The following PKIA variants were observed in gnomAD, a reference collection of about 807,000 sequenced individuals.
PKIA encodes cAMP-dependent protein kinase inhibitor alpha, also known as PKI-alpha.
A neutral mutation model predicts 7.6 loss-of-function variants in PKIA; 4 were observed. That is an observed-to-expected ratio of 0.52 (90% CI 0.26 to 1.20). The LOEUF (loss-of-function observed/expected upper bound fraction) is 1.20, where lower values mean the gene tolerates loss of function less well. PKIA is among the 50% of genes most tolerant of loss of function. The pLI is 0.13. For missense variants in PKIA, 73 were observed against 86.2 expected (o/e 0.85, Z 0.61); for synonymous variants, 21 against 30.7 (o/e 0.68, Z 1.04).
intron 2 of PKIA, among the ~76,000 whole-genome samples, chr8:78,584,938 T>C (rs1807913020): frequency 1.3e-5 from 2 of 152,016 alleles, no homozygotes; most frequent in South Asian, 4.1e-4. Context: ...ATATTCCTGG[T>C]AATGGAATAG....
chr8:78,597,709 T>A (rs1808258444), intron 2 of PKIA, among the ~76,000 whole-genome samples: 1 of 152,210 alleles, frequency 6.6e-6, no homozygotes, highest in Admixed American at 6.5e-5. Flanking sequence ...ATCTGGCCCA[T>A]TCTCTATTTT....
At chr8:78,584,396 T>C (rs908584509) in intron 2 of PKIA, among the ~76,000 whole-genome samples, 5 of 152,160 alleles carry the variant, frequency 3.3e-5, no homozygotes, top group African/African-American at 4.8e-5. Context: ...GGCTATAATT[T>C]CACATCTGAA....
chr8:78,601,543 T>A (rs1808348059), intron 3 of PKIA, among the ~76,000 whole-genome samples, 199 bp from the exon 4 acceptor site: 1 of 152,050 alleles, frequency 6.6e-6, no homozygotes, highest in African/African-American at 2.4e-5. Flanking sequence ...CTGTCCCAAG[T>A]TCACAGAATT....
chr8:78,569,473 C>T (rs1453330516), intron 1 of PKIA, among the ~76,000 whole-genome samples: 1 of 152,110 alleles, frequency 6.6e-6, no homozygotes, highest in Non-Finnish European at 1.5e-5. Flanking sequence ...CCCAGTGGAA[C>T]CTGTACATTC....
chr8:78,598,661 G>T, intron 3 of PKIA, 126 bp downstream of exon 3: 2 of 713,208 alleles, frequency 2.8e-6, no homozygotes, highest in Non-Finnish European at 4.7e-6. Context: ...AACAATCTAA[G>T]GCAAGATGAA....
At chr8:78,582,479 G>T (rs978704967) in intron 2 of PKIA, among the ~76,000 whole-genome samples, 1 of 151,966 alleles carries the variant, frequency 6.6e-6, no homozygotes, top group South Asian at 2.1e-4. Context: ...CCAACACCAC[G>T]ATTCAGTTAC....
Position 78,601,880 on chromosome 8 carries a change from GA to G in PKIA, c.*61del, listed in dbSNP as rs1384534016. On this transcript the variant is annotated 3_prime_UTR_variant, in exon 4 of 4. Transcript: ENST00000396418. ...TGTCTCAAATCTCCAGGAGTATCTGGAATGCATTTGTTTCCATGAGTGAAAA... is the reference window on the plus strand; with the variant it reads ...TGTCTCAAATCTCCAGGAGTATCTGGATGCATTTGTTTCCATGAGTGAAAA... The G allele has an allele frequency of 1.5e-5, 19 of 1,283,512 alleles. No individual in the cohort carries two copies. The highest frequency in any genetic ancestry group is 2.0e-5 in the Non-Finnish European group (18 of 887,918). The allele number at this position is 1,283,512 out of a possible 1,614,324, so 79.5% of individuals were successfully genotyped here. A position where few individuals can be genotyped will look rare whatever the true frequency, so the allele number is the denominator to read the frequency against.
At chr8:78,587,387 C>T (rs1441512552) in intron 2 of PKIA, among the ~76,000 whole-genome samples, 3 of 152,190 alleles carry the variant, frequency 2.0e-5, no homozygotes, top group Admixed American at 2.0e-4. Flanking sequence ...GTCAGTACTG[C>T]TGCTGACTGG....
At chr8:78,569,496 C>A (rs1807497917) in intron 1 of PKIA, among the ~76,000 whole-genome samples, 1 of 152,098 alleles carries the variant, frequency 6.6e-6, no homozygotes, top group South Asian at 2.1e-4. Context: ...ACCCTTGTAG[C>A]TTTCTTGCTA....
intron 2 of PKIA, among the ~76,000 whole-genome samples, chr8:78,580,656 C>T (rs975954484): frequency 6.6e-6 from 1 of 151,854 alleles, no homozygotes; most frequent in African/African-American, 2.4e-5. Flanking sequence ...ATAGTCTGTG[C>T]TAGGTGGGGA....
chr8:78,562,162 G>A (rs1048109914), intron 1 of PKIA, among the ~76,000 whole-genome samples: 1 of 152,140 alleles, frequency 6.6e-6, no homozygotes, highest in African/African-American at 2.4e-5. Context: ...AATCATGCTA[G>A]TTTGAAAATA....
chr8:78,563,777 G>A (rs559010070), intron 1 of PKIA, among the ~76,000 whole-genome samples: 11 of 152,226 alleles, frequency 7.2e-5, no homozygotes, highest in Middle Eastern at 6.8e-3. Context: ...AGATGTGAAT[G>A]AGACAAAGAA....
intron 2 of PKIA, among the ~76,000 whole-genome samples, chr8:78,591,534 G>A (rs976883243): frequency 6.6e-6 from 1 of 152,136 alleles, no homozygotes; most frequent in Non-Finnish European, 1.5e-5. Context: ...AGAAAAGAGA[G>A]AGCAAGATTA....
rs1057327997 is a variant in PKIA at position 78,572,845 on chromosome 8, A to C, written c.-122A>C. On this transcript the variant is annotated 5_prime_UTR_variant, in exon 2 of 4. Transcript: ENST00000396418. ...TTTCTGAGAAGCCCTGGTTTCCCCA[A>C]AGAAGTGATTTCTGATAGAAATCTG... 1 of 152,058 alleles carries C rather than the reference A, an allele frequency of 6.6e-6. No individual in the cohort carries two copies. Among genetic ancestry groups the C allele is most frequent in the African/African-American group, 2.4e-5 (1 of 41,432 alleles). The allele number at this position is 152,058 out of a possible 1,614,324, so 9.4% of individuals were successfully genotyped here.
rs979404325 is a variant in PKIA at position 78,595,367 on chromosome 8, C to T, written c.-27-2991C>T. ...AAAGAAAAAGAAAAGGTGGCTGTGACGAGGGGAGAGAATTTCCAGATTCAG... is the reference window on the plus strand; with the variant it reads ...AAAGAAAAAGAAAAGGTGGCTGTGATGAGGGGAGAGAATTTCCAGATTCAG... On this transcript the variant is annotated intron_variant, in intron 2 of 3. Coordinates refer to ENST00000396418, the MANE Select transcript of PKIA (RefSeq NM_006823.4). Among the ~76,000 whole-genome samples, 10 of 152,026 alleles carry T rather than the reference C, an allele frequency of 6.6e-5. No homozygotes were observed. The South Asian group carries it at 1.0e-3, about 16-fold the overall frequency.
At chr8:78,540,174 G>A (rs560820159) in intron 1 of PKIA, among the ~76,000 whole-genome samples, 2 of 151,766 alleles carry the variant, frequency 1.3e-5, no homozygotes, top group South Asian at 2.1e-4. Flanking sequence ...GCTTCCCTAC[G>A]AGTTCTAATG....
At chr8:78,570,761 A>G in intron 1 of PKIA, among the ~76,000 whole-genome samples, 1 of 151,988 alleles carries the variant, frequency 6.6e-6, no homozygotes, top group Non-Finnish European at 1.5e-5. Flanking sequence ...CACTCTTTAT[A>G]CCAGTTGTAT....
At chr8:78,556,922 T>C (rs1807153748) in intron 1 of PKIA, among the ~76,000 whole-genome samples, 1 of 152,124 alleles carries the variant, frequency 6.6e-6, no homozygotes, top group South Asian at 2.1e-4. Context: ...TTTCTGTTAT[T>C]TGTGAGTCTA....
At chr8:78,556,529 C>T (rs1807142705) in intron 1 of PKIA, 1 of 151,982 alleles carries the variant, frequency 6.6e-6, no homozygotes, top group Non-Finnish European at 1.5e-5. Flanking sequence ...CCTCGATTTG[C>T]CTGATGACGA....
Sources: gnomAD v4.1 joint callset for allele counts (sites outside exome capture counted in the v4.1 genomes callset) on GRCh38, gnomAD v4.1.1 for gene constraint, MANE v1.5 for transcripts, NCBI Gene and HGNC (gene_info 2026-07-23, HGNC 2026-07-21) for gene names.